Variants in ADAM2 observed in about 807,000 individuals in gnomAD.
The protein encoded by ADAM2 is disintegrin and metalloproteinase domain-containing protein 2.
A neutral mutation model predicts 99.3 loss-of-function variants in ADAM2; 101 were observed. The observed-to-expected ratio is 1.02, with a 90% CI of 0.87 to 1.20. The LOEUF (loss-of-function observed/expected upper bound fraction) is 1.20. Among genes scored for constraint, ADAM2 ranks in the 50% most tolerant of loss-of-function variants. ADAM2 has a pLI of 0.00. For synonymous variants in ADAM2, 323 were observed against 287.6 expected (o/e 1.12, Z -1.25); for missense variants, 948 against 878.7 (o/e 1.08, Z -1.00).
intron 7 of ADAM2, among the ~76,000 whole-genome samples, chr8:39,808,868 A>C (rs1387070994): frequency 6.6e-6 from 1 of 152,222 alleles, no homozygotes; most frequent in Non-Finnish European, 1.5e-5. Flanking sequence ...GTGAGCCGAG[A>C]TCATGCCATT....
intron 10 of ADAM2, among the ~76,000 whole-genome samples, chr8:39,779,711 C>T (rs890800074): frequency 6.6e-6 from 1 of 152,080 alleles, no homozygotes; most frequent in Non-Finnish European, 1.5e-5. Flanking sequence ...ATAATAACAG[C>T]AACAAGCATT....
intron 7 of ADAM2, among the ~76,000 whole-genome samples, chr8:39,791,247 T>C (rs1803699357): frequency 6.6e-6 from 1 of 151,974 alleles, no homozygotes; most frequent in East Asian, 1.9e-4. Context: ...AGGGGCCCAG[T>C]TAATCTAAGT....
intron 11 of ADAM2, among the ~76,000 whole-genome samples, chr8:39,770,855 C>T (rs202008): frequency 0.033 from 5,052 of 152,144 alleles, 285 homozygotes; most frequent in African/African-American, 0.12. Context: ...TCTATATATT[C>T]AATATGTGTT....
intron 6 of ADAM2, among the ~76,000 whole-genome samples, chr8:39,816,132 CTAAA>C (rs1307412967): frequency 1.3e-5 from 2 of 151,958 alleles, no homozygotes; most frequent in African/African-American, 4.8e-5. Flanking sequence ...CCCATCTCAA[CTAAA>C]AATGCAAAAA....
chr8:39,798,677 T>G (rs2129586218), intron 7 of ADAM2, among the ~76,000 whole-genome samples: 1 of 152,282 alleles, frequency 6.6e-6, no homozygotes, highest in East Asian at 1.9e-4. Context: ...CCTGGGCTTT[T>G]TTTGGTTGTC....
intron 10 of ADAM2, among the ~76,000 whole-genome samples, chr8:39,786,617 G>A (rs1050910689): frequency 1.3e-5 from 2 of 151,806 alleles, no homozygotes; most frequent in Non-Finnish European, 2.9e-5. Flanking sequence ...TTTTAATCTG[G>A]TTAATAATTA....
At chr8:39,826,164 G>A (rs1006335228) in intron 3 of ADAM2, among the ~76,000 whole-genome samples, 7 of 152,060 alleles carry the variant, frequency 4.6e-5, no homozygotes, top group Non-Finnish European at 8.8e-5. Context: ...ACAGCTAGAG[G>A]CATCATACTA....
At chr8:39,781,337 C>G (rs1803224691) in intron 10 of ADAM2, among the ~76,000 whole-genome samples, 1 of 152,062 alleles carries the variant, frequency 6.6e-6, no homozygotes, top group African/African-American at 2.4e-5. Context: ...CTACTTTGTA[C>G]TAGACACAAA....
At chr8:39,765,892 C>A (rs1430598873) in intron 14 of ADAM2, among the ~76,000 whole-genome samples, 1 of 149,786 alleles carries the variant, frequency 6.7e-6, no homozygotes, top group African/African-American at 2.4e-5. Flanking sequence ...AAGGTGACCA[C>A]CTATCTGTTT....
intron 8 of ADAM2, 27 bp downstream of exon 8, chr8:39,788,642 C>A (rs761626693): frequency 2.0e-6 from 3 of 1,511,320 alleles, no homozygotes; most frequent in East Asian, 2.4e-5. Context: ...ACAAGAAGTG[C>A]AAAAGTACTA....
intron 6 of ADAM2, among the ~76,000 whole-genome samples, chr8:39,818,948 T>C (rs1805063444): frequency 6.6e-6 from 1 of 152,036 alleles, no homozygotes; most frequent in African/African-American, 2.4e-5. Flanking sequence ...GTTAATATTG[T>C]TAATATAGCA....
At chr8:39,829,942 A>G (rs1313968647) in intron 3 of ADAM2, among the ~76,000 whole-genome samples, 2 of 152,126 alleles carry the variant, frequency 1.3e-5, no homozygotes, top group Non-Finnish European at 2.9e-5. Context: ...CTAGGATAAT[A>G]AATTCTAAAT....
At chr8:39,759,790 T>C (rs1802280474) in intron 15 of ADAM2, among the ~76,000 whole-genome samples, 2 of 152,300 alleles carry the variant, frequency 1.3e-5, no homozygotes, top group South Asian at 4.1e-4. Context: ...AAGTTTTACT[T>C]TACTTTTGAA....
At chr8:39,806,496 ATAT>A (rs894522293) in intron 7 of ADAM2, among the ~76,000 whole-genome samples, 1 of 148,060 alleles carries the variant, frequency 6.8e-6, no homozygotes, top group African/African-American at 2.4e-5. Context: ...TATAAATATT[ATAT>A]TATTTGTAAT....
At chr8:39,815,555 A>G (rs1030162478) in intron 6 of ADAM2, among the ~76,000 whole-genome samples, 2 of 152,208 alleles carry the variant, frequency 1.3e-5, no homozygotes, top group Non-Finnish European at 2.9e-5. Context: ...GTTTCTTTGA[A>G]TATGCTTATT....
intron 4 of ADAM2, among the ~76,000 whole-genome samples, chr8:39,822,266 A>G (rs930011765): frequency 3.3e-5 from 5 of 152,170 alleles, no homozygotes; most frequent in Admixed American, 3.3e-4. Context: ...CACAGCTTTT[A>G]TCTTCTTCCT....
At chr8:39,783,887 G>T (rs912084650) in intron 10 of ADAM2, among the ~76,000 whole-genome samples, 4 of 151,968 alleles carry the variant, frequency 2.6e-5, no homozygotes, top group Non-Finnish European at 5.9e-5. Context: ...GGGAGGCGGG[G>T]TGAGTCAAGA....
chr8:39,790,329 G>A (rs980531173), intron 7 of ADAM2, among the ~76,000 whole-genome samples: 24 of 151,896 alleles, frequency 1.6e-4, no homozygotes, highest in Non-Finnish European at 3.5e-4. Flanking sequence ...CGACACAATA[G>A]GCTATTTTAC....
At chr8:39,830,215 G>T (rs2129589101) in intron 3 of ADAM2, among the ~76,000 whole-genome samples, 1 of 152,154 alleles carries the variant, frequency 6.6e-6, no homozygotes, top group Non-Finnish European at 1.5e-5. Context: ...ACAGAAAGGA[G>T]ACCTATTTCC....
Sources: allele counts gnomAD v4.1 joint callset (sites outside exome capture counted in the v4.1 genomes callset), GRCh38; gene constraint gnomAD v4.1.1; transcripts MANE v1.5; gene names NCBI Gene and HGNC (gene_info 2026-07-23, HGNC 2026-07-21).